PPARGC1A: variants seen among roughly 807,000 people sequenced by gnomAD.
PPARGC1A encodes the protein peroxisome proliferator-activated receptor gamma coactivator 1-alpha.
PPARGC1A carries 25 observed loss-of-function variants against 88.7 expected under a neutral mutation model. The observed-to-expected ratio is 0.28, with a 90% CI of 0.21 to 0.39. The LOEUF (loss-of-function observed/expected upper bound fraction) is 0.39. Ranked by LOEUF, PPARGC1A falls within the 10% of genes least tolerant of loss-of-function variation. The pLI is 1.00. For missense variants in PPARGC1A, 880 were observed against 968.7 expected (o/e 0.91, Z 1.22); for synonymous variants, 363 against 355.6 (o/e 1.02, Z -0.24).
intron 1 of PPARGC1A, among the ~76,000 whole-genome samples, chr4:23,887,840 CAG>C (rs1717163442): frequency 2.0e-5 from 3 of 151,764 alleles, no homozygotes; most frequent in Non-Finnish European, 2.9e-5. Context: ...TTAGTTAAGA[CAG>C]GGGAAAGGGG....
At chr4:24,322,305 A>C in the PPARGC1A span, among the ~76,000 whole-genome samples, 3 of 152,258 alleles carry the variant, frequency 2.0e-5, no homozygotes, top group Admixed American at 6.5e-5. Flanking sequence ...AAAAGAAAAG[A>C]AAAGCACTGG....
the PPARGC1A span, among the ~76,000 whole-genome samples, chr4:23,940,939 C>T: frequency 6.6e-6 from 1 of 152,120 alleles, no homozygotes; most frequent in Non-Finnish European, 1.5e-5. Flanking sequence ...GTATCCAAAA[C>T]CATAAGCTAA....
At chr4:24,053,026 G>C in the PPARGC1A span, among the ~76,000 whole-genome samples, 1 of 149,872 alleles carries the variant, frequency 6.7e-6, no homozygotes, top group Non-Finnish European at 1.5e-5. Flanking sequence ...ACCACACCCG[G>C]CTAATTTTTT....
chr4:24,284,119 C>T, the PPARGC1A span, among the ~76,000 whole-genome samples: 3 of 124,758 alleles, frequency 2.4e-5, no homozygotes, highest in East Asian at 6.7e-4. Flanking sequence ...CCCACCTCTA[C>T]TAAAAATACC....
chr4:24,122,102 G>A, the PPARGC1A span, among the ~76,000 whole-genome samples: 1 of 152,116 alleles, frequency 6.6e-6, no homozygotes, highest in Non-Finnish European at 1.5e-5. Flanking sequence ...GGTTCGGTGT[G>A]ACAGTGTGCT....
At chr4:23,886,365 G>A (rs546716327) in intron 1 of PPARGC1A, among the ~76,000 whole-genome samples, 4 of 152,270 alleles carry the variant, frequency 2.6e-5, no homozygotes, top group African/African-American at 7.2e-5. Flanking sequence ...CAGGTCATAT[G>A]CAGCAGCGTG....
At chr4:24,315,285 C>T in the PPARGC1A span, among the ~76,000 whole-genome samples, 1 of 152,154 alleles carries the variant, frequency 6.6e-6, no homozygotes, top group African/African-American at 2.4e-5. Context: ...TTCATGATGT[C>T]CTCCATGAGC....
At chr4:23,915,186 T>A in the PPARGC1A span, among the ~76,000 whole-genome samples, 2 of 152,148 alleles carry the variant, frequency 1.3e-5, no homozygotes, top group Non-Finnish European at 2.9e-5. Context: ...TAAATGGGAT[T>A]TTTGGTTACA....
At chr4:24,188,363 A>C in the PPARGC1A span, among the ~76,000 whole-genome samples, 2 of 152,146 alleles carry the variant, frequency 1.3e-5, no homozygotes, top group African/African-American at 4.8e-5. Context: ...GGCTTTCCCC[A>C]AAGAAACGAA....
the PPARGC1A span, among the ~76,000 whole-genome samples, chr4:24,300,935 T>C: frequency 6.6e-6 from 1 of 152,012 alleles, no homozygotes; most frequent in Admixed American, 6.6e-5. Context: ...ATCTTGAAGA[T>C]AAAAGCTCAG....
In PPARGC1A at chr4:23,868,074, G is replaced by A. The variant is rs556357954; in HGVS notation, c.234+16678C>T. On this transcript the variant is annotated intron_variant, in intron 2 of 12. Transcript: ENST00000264867. ...GAGACACACTTACTTTCATGCTCTG[G>A]AACCCCGGTAAGGTACCTGTTCCTG... Among the ~76,000 whole-genome samples the A allele has an allele frequency of 4.6e-5, 7 of 152,194 alleles. No individual in the cohort carries two copies. In the South Asian group the frequency reaches 1.2e-3, roughly 27 times the overall value.
the PPARGC1A span, among the ~76,000 whole-genome samples, chr4:24,244,082 T>C: frequency 6.6e-6 from 1 of 152,170 alleles, no homozygotes; most frequent in Non-Finnish European, 1.5e-5. Flanking sequence ...GGCTTCCTAA[T>C]AGAATAATCC....
chr4:23,823,122 T>C (rs77059444), intron 7 of PPARGC1A, among the ~76,000 whole-genome samples: 1 of 150,388 alleles, frequency 6.6e-6, no homozygotes, highest in Non-Finnish European at 1.5e-5. Context: ...AATATTCCTG[T>C]AAAAAAAAAC....
chr4:24,241,409 T>C, the PPARGC1A span, among the ~76,000 whole-genome samples: 1 of 152,208 alleles, frequency 6.6e-6, no homozygotes. Flanking sequence ...TTCCCTGGCC[T>C]CCCCTTCCCC....
the PPARGC1A span, among the ~76,000 whole-genome samples, chr4:23,947,687 C>G: frequency 7.2e-5 from 11 of 152,062 alleles, no homozygotes; most frequent in Non-Finnish European, 1.3e-4. Flanking sequence ...GACTGCACTC[C>G]ATGGAGATCA....
chr4:23,824,108 G>GGT (rs386356745), intron 7 of PPARGC1A, among the ~76,000 whole-genome samples, 172 bp downstream of exon 7: 108 of 65,000 alleles, frequency 1.7e-3, no homozygotes, highest in Non-Finnish European at 2.8e-3. Context: ...TTTTTTATTA[G>GGT]TTTTTTTTTT....
chr4:23,877,460 C>G (rs1714983197), intron 2 of PPARGC1A, among the ~76,000 whole-genome samples: 2 of 141,470 alleles, frequency 1.4e-5, no homozygotes, highest in Admixed American at 7.5e-5. Flanking sequence ...ATGGCGTGAA[C>G]CCAGGAGGGG....
chr4:24,343,995 T>C, the PPARGC1A span, among the ~76,000 whole-genome samples: 1 of 152,250 alleles, frequency 6.6e-6, no homozygotes, highest in East Asian at 1.9e-4. Context: ...ACACAATGTT[T>C]GGTTTTCCAT....
the PPARGC1A span, among the ~76,000 whole-genome samples, chr4:24,421,648 G>C: frequency 6.6e-6 from 1 of 152,120 alleles, no homozygotes; most frequent in East Asian, 1.9e-4. Context: ...TAGCCCAGAG[G>C]AGCCCTGGTC....
Sources: allele counts gnomAD v4.1 joint callset (sites outside exome capture counted in the v4.1 genomes callset), GRCh38; gene constraint gnomAD v4.1.1; transcripts MANE v1.5; gene names NCBI Gene and HGNC (gene_info 2026-07-23, HGNC 2026-07-21).